GNA14: variants seen among roughly 807,000 people sequenced by gnomAD.
GNA14 encodes the protein guanine nucleotide-binding protein subunit alpha-14.
Under a neutral mutation model 42.0 loss-of-function variants are expected in GNA14, and 50 were observed. The observed-to-expected ratio is 1.19, with a 90% CI of 0.95 to 1.51. GNA14 has a LOEUF of 1.51. Ranked by LOEUF, GNA14 falls within the 40% of genes most tolerant of loss-of-function variation. GNA14 has a pLI of 0.00. For missense variants in GNA14, 473 were observed against 446.2 expected (o/e 1.06, Z -0.54); for synonymous variants, 173 against 163.1 (o/e 1.06, Z -0.46).
intron 2 of GNA14, among the ~76,000 whole-genome samples, chr9:77,445,585 A>C (rs1835803571): frequency 6.6e-6 from 1 of 151,474 alleles, no homozygotes; most frequent in African/African-American, 2.4e-5. Flanking sequence ...AAAGGAAAAG[A>C]AAAAAATATT....
At chr9:77,566,650 T>C (rs1822973264) in intron 1 of GNA14, among the ~76,000 whole-genome samples, 1 of 152,214 alleles carries the variant, frequency 6.6e-6, no homozygotes, top group Non-Finnish European at 1.5e-5. Context: ...GGCTTCAATA[T>C]GTCCACTAAA....
chr9:77,541,808 C>T (rs1837664553), intron 1 of GNA14, among the ~76,000 whole-genome samples: 1 of 152,032 alleles, frequency 6.6e-6, no homozygotes, highest in African/African-American at 2.4e-5. Flanking sequence ...CTTTCTTCTA[C>T]TTGAGCAAGT....
chr9:77,592,320 ATG>A (rs1823403195), intron 1 of GNA14, among the ~76,000 whole-genome samples: 2 of 152,208 alleles, frequency 1.3e-5, no homozygotes, highest in Admixed American at 1.3e-4. Flanking sequence ...TTACACGCGC[ATG>A]TGTTAACCCT....
intron 1 of GNA14, among the ~76,000 whole-genome samples, chr9:77,561,394 A>G (rs1237376007): frequency 6.6e-6 from 1 of 152,212 alleles, no homozygotes; most frequent in African/African-American, 2.4e-5. Context: ...AAGAGTGAGA[A>G]TCAGAAAAGC....
At chr9:77,580,467 G>C in intron 1 of GNA14, 1 of 364,862 alleles carries the variant, frequency 2.7e-6, no homozygotes, top group Non-Finnish European at 5.7e-6. Context: ...AGGACAATTA[G>C]CCCACACCAG....
chr9:77,496,822 A>T (rs1564031898), intron 2 of GNA14, among the ~76,000 whole-genome samples: 2 of 152,212 alleles, frequency 1.3e-5, no homozygotes. Context: ...TGCTTCACTC[A>T]TGGTATGCTT....
chr9:77,447,548 T>A (rs1835841998), intron 2 of GNA14, among the ~76,000 whole-genome samples: 1 of 152,200 alleles, frequency 6.6e-6, no homozygotes, highest in Non-Finnish European at 1.5e-5. Flanking sequence ...GACAGGCTAA[T>A]GACCCCTGAA....
chr9:77,618,431 T>G (rs1190247676), intron 1 of GNA14, among the ~76,000 whole-genome samples: 5 of 151,368 alleles, frequency 3.3e-5, no homozygotes, highest in African/African-American at 1.2e-4. Context: ...CATTTTACAG[T>G]AGCTCTCCAG....
chr9:77,645,552 T>G (rs1050641311), intron 1 of GNA14, among the ~76,000 whole-genome samples: 1 of 152,192 alleles, frequency 6.6e-6, no homozygotes, highest in Non-Finnish European at 1.5e-5. Context: ...AATGGGAGTT[T>G]CCAGAGGTCA....
At chr9:77,645,568 T>C (rs1412527646) in intron 1 of GNA14, among the ~76,000 whole-genome samples, 4 of 152,152 alleles carry the variant, frequency 2.6e-5, no homozygotes, top group Admixed American at 6.5e-5. Flanking sequence ...GGTCAGACAG[T>C]GCCTCAAGGT....
At chr9:77,515,478 G>A (rs1467623233) in intron 2 of GNA14, among the ~76,000 whole-genome samples, 1 of 152,240 alleles carries the variant, frequency 6.6e-6, no homozygotes, top group Non-Finnish European at 1.5e-5. Flanking sequence ...TGCAAAAATA[G>A]TAAAAGAGAG....
intron 1 of GNA14, among the ~76,000 whole-genome samples, chr9:77,641,105 GAAGGAAGGAAGGAAGGAAGGAA>G (rs1824258766): frequency 0.014 from 58 of 4,128 alleles, 5 homozygotes; most frequent in South Asian, 0.037. Context: ...GGGGGGGAAG[GAAGGAAGGAAGGAAGGAAGGAA>G]GGAAGGAAGG....
chr9:77,641,189 G>C (rs891815720), intron 1 of GNA14, among the ~76,000 whole-genome samples: 38 of 148,672 alleles, frequency 2.6e-4, no homozygotes, highest in South Asian at 4.4e-4. Flanking sequence ...CAAAGGTAAG[G>C]CTGTTGCAGT....
At chr9:77,500,911 T>C (rs928542994) in intron 2 of GNA14, among the ~76,000 whole-genome samples, 9 of 152,196 alleles carry the variant, frequency 5.9e-5, no homozygotes, top group Non-Finnish European at 1.3e-4. Context: ...AGTTTTTACT[T>C]CTCTGGGACA....
At chr9:77,467,753 A>G (rs971416894) in intron 2 of GNA14, among the ~76,000 whole-genome samples, 1 of 150,216 alleles carries the variant, frequency 6.7e-6, no homozygotes, top group African/African-American at 2.5e-5. Context: ...CCATGCCACT[A>G]CACCAGAGCT....
At chr9:77,520,816 T>C (rs1186046479) in intron 2 of GNA14, among the ~76,000 whole-genome samples, 2 of 152,204 alleles carry the variant, frequency 1.3e-5, no homozygotes, top group Non-Finnish European at 2.9e-5. Context: ...TCTCCCTTTT[T>C]CATTAGGTTT....
At chr9:77,604,908 C>T (rs1291738674) in intron 1 of GNA14, among the ~76,000 whole-genome samples, 1 of 152,216 alleles carries the variant, frequency 6.6e-6, no homozygotes, top group Non-Finnish European at 1.5e-5. Flanking sequence ...AGCAAAAATA[C>T]ATCTTTGAGT....
intron 2 of GNA14, among the ~76,000 whole-genome samples, chr9:77,505,836 G>A (rs1332075408): frequency 6.6e-6 from 1 of 152,162 alleles, no homozygotes. Flanking sequence ...CAGGTAACAG[G>A]TGCATGATAA....
At chr9:77,612,042 T>C (rs1823743534) in intron 1 of GNA14, among the ~76,000 whole-genome samples, 1 of 152,142 alleles carries the variant, frequency 6.6e-6, no homozygotes, top group Non-Finnish European at 1.5e-5. Flanking sequence ...AATAACAATA[T>C]TGATAAAATA....
Sources: gnomAD v4.1 joint callset for allele counts (sites outside exome capture counted in the v4.1 genomes callset) on GRCh38, gnomAD v4.1.1 for gene constraint, MANE v1.5 for transcripts, NCBI Gene and HGNC (gene_info 2026-07-23, HGNC 2026-07-21) for gene names.